BPTF: variants seen among roughly 807,000 people sequenced by gnomAD.
The protein encoded by BPTF is nucleosome-remodeling factor subunit BPTF.
A neutral mutation model predicts 292.5 loss-of-function variants in BPTF; 18 were observed. The ratio of observed to expected loss-of-function variants is 0.06; its 90% CI spans 0.04 to 0.09. BPTF has a LOEUF of 0.09. Ranked by LOEUF, BPTF falls within the 10% of genes least tolerant of loss-of-function variation. The probability of loss-of-function intolerance (pLI) is 1.00; values close to 1 mark genes in which losing one functional copy is unlikely to be tolerated. For missense variants in BPTF, 2,726 were observed against 3,498.7 expected, an observed-to-expected ratio of 0.78 and a Z score of 5.57; for synonymous variants, 1,225 against 1,251.9, an observed-to-expected ratio of 0.98 and a Z score of 0.45.
intron 18 of BPTF, among the ~76,000 whole-genome samples, chr17:67,933,029 G>A (rs973082509): frequency 6.6e-6 from 1 of 151,982 alleles, no homozygotes; most frequent in African/African-American, 2.4e-5. Flanking sequence ...AGGCAGGCCA[G>A]ATCACCTGAG....
At chr17:67,944,499 T>C in intron 20 of BPTF, 127 bp downstream of exon 20, 1 of 1,033,834 alleles carries the variant, frequency 9.7e-7, no homozygotes, top group Non-Finnish European at 1.4e-6. Context: ...CCTCAACAGT[T>C]GACATAGTCA....
chr17:67,953,984 T>C (rs1294827369), intron 23 of BPTF, among the ~76,000 whole-genome samples: 33 of 67,530 alleles, frequency 4.9e-4, no homozygotes, highest in Admixed American at 1.0e-3. Context: ...TTTTTTTTTT[T>C]TTTTTTTTTT....
chr17:67,846,490 TTAAG>T (rs1318075747), intron 1 of BPTF, among the ~76,000 whole-genome samples: 6 of 152,246 alleles, frequency 3.9e-5, no homozygotes, highest in Non-Finnish European at 7.3e-5. Flanking sequence ...CACATGGCTA[TTAAG>T]TAAGCACCTG....
intron 23 of BPTF, among the ~76,000 whole-genome samples, chr17:67,954,577 G>A (rs190773047): frequency 1.4e-4 from 21 of 152,194 alleles, no homozygotes; most frequent in African/African-American, 5.1e-4. Context: ...TCTGAATCTG[G>A]AGCCTAGCAG....
chr17:67,827,825 G>A (rs1219931927), intron 1 of BPTF, among the ~76,000 whole-genome samples: 2 of 152,078 alleles, frequency 1.3e-5, no homozygotes, highest in Non-Finnish European at 2.9e-5. Context: ...AGTCTTGTCC[G>A]GGGCAGGCTG....
At chr17:67,945,128 T>G (rs1421888450) in intron 20 of BPTF, among the ~76,000 whole-genome samples, 1 of 152,206 alleles carries the variant, frequency 6.6e-6, no homozygotes, top group East Asian at 1.9e-4. Context: ...CTTGAACTCC[T>G]GGACGCAAGC....
intron 4 of BPTF, among the ~76,000 whole-genome samples, chr17:67,881,063 TAGA>T (rs1186440460): frequency 6.6e-6 from 1 of 151,924 alleles, no homozygotes; most frequent in Non-Finnish European, 1.5e-5. Context: ...TATAATTTGG[TAGA>T]AGTTATGTGA....
In BPTF at chr17:67,879,136, C is replaced by CT. The variant is rs58205471; in HGVS notation, c.1864+4133dup. Among the ~76,000 whole-genome samples, 256 of 118,974 alleles carry CT rather than the reference C, an allele frequency of 2.2e-3. 7 individuals carry two copies. Among genetic ancestry groups the CT allele is most frequent in the Middle Eastern group, 0.013 (3 of 230 alleles). 78.1% of individuals were successfully genotyped at this position (118,974 alleles called of 152,430 possible). A position where few individuals can be genotyped will look rare whatever the true frequency, so the allele number is the denominator to read the frequency against. ...TTTGTGGGGCTGTTGTTAATTATTTCTTTTTTTTTTTTTTTTTCTTTTTGA... is the reference window on the plus strand; with the variant it reads ...TTTGTGGGGCTGTTGTTAATTATTTCTTTTTTTTTTTTTTTTTTCTTTTTGA... On this transcript the variant is annotated intron_variant, in intron 4 of 27. Coordinates refer to ENST00000306378, the MANE Select transcript of BPTF (RefSeq NM_182641.4).
intron 26 of BPTF, among the ~76,000 whole-genome samples, chr17:67,970,119 G>T (rs1335510751): frequency 6.6e-6 from 1 of 151,812 alleles, no homozygotes; most frequent in Non-Finnish European, 1.5e-5. Context: ...TGTAATCCCA[G>T]CTACTTAGGA....
chr17:67,936,828 T>C (rs1490356318), intron 18 of BPTF: 4 of 152,208 alleles, frequency 2.6e-5, no homozygotes, highest in Non-Finnish European at 5.9e-5. Flanking sequence ...ATAAAGCATA[T>C]AAAATACTAT....
intron 1 of BPTF, among the ~76,000 whole-genome samples, chr17:67,830,040 T>C (rs909449155): frequency 6.6e-6 from 1 of 152,240 alleles, no homozygotes; most frequent in East Asian, 1.9e-4. Context: ...CGCTGAATAA[T>C]GCTTTAATTC....
intron 27 of BPTF, among the ~76,000 whole-genome samples, chr17:67,981,067 G>A (rs1555696431): frequency 6.6e-6 from 1 of 152,182 alleles, no homozygotes; most frequent in Non-Finnish European, 1.5e-5. Flanking sequence ...GCTGAGGTAG[G>A]AGGATCACCT....
chr17:67,847,631 C>T lies in BPTF; in HGVS notation c.614-6309C>T, dbSNP rs1470114072. Among the ~76,000 whole-genome samples the T allele has an allele frequency of 1.2e-3, 184 of 148,892 alleles. 1 individual carries two copies. Among genetic ancestry groups the T allele is most frequent in the African/African-American group, 4.2e-3 (169 of 40,228 alleles). On this transcript the variant is annotated intron_variant, in intron 1 of 27. Transcript: ENST00000306378. The stretch of plus-strand genomic sequence containing the variant: ...CAGAGCTTGCAGTGAGCCTAGATTG[C>T]GCCACTGCACTCCAGCCTGGGCGAC...
chr17:67,847,126 G>T (rs1485314431), intron 1 of BPTF, among the ~76,000 whole-genome samples: 2 of 152,206 alleles, frequency 1.3e-5, no homozygotes, highest in Admixed American at 1.3e-4. Context: ...TTGAAAGGAA[G>T]TAATAATGGT....
chr17:67,895,998 C>T (rs1395784625), intron 7 of BPTF, among the ~76,000 whole-genome samples: 1 of 148,556 alleles, frequency 6.7e-6, no homozygotes, highest in African/African-American at 2.5e-5. Context: ...GAGTCTCGCT[C>T]TGTCACCCAG....
intron 24 of BPTF, among the ~76,000 whole-genome samples, chr17:67,962,691 G>C (rs1421211938): frequency 6.6e-6 from 1 of 152,156 alleles, no homozygotes; most frequent in Non-Finnish European, 1.5e-5. Flanking sequence ...CATTATGAGA[G>C]GTTATTTTTA....
At chr17:67,910,743 T>C (rs1473121614) in intron 10 of BPTF, 134 bp from the exon 11 acceptor site, 3 of 522,714 alleles carry the variant, frequency 5.7e-6, no homozygotes, top group Non-Finnish European at 8.5e-6. Flanking sequence ...GAGGTTGCAG[T>C]GAACTGAGAT....
In BPTF at chr17:67,894,618, G is replaced by A. The variant is rs534937456; in HGVS notation, c.2543+453G>A. Among the ~76,000 whole-genome samples, 22 of 152,206 alleles carry A rather than the reference G, an allele frequency of 1.4e-4. No individual in the cohort carries two copies. The South Asian group carries it at 3.9e-3, about 27-fold the overall frequency. Reference sequence around the variant, plus strand: ...GCCGGGATTACAGGTGTGAGCCACCGCACCCACCATGAATATTAGTTCTTA... The same window carrying A: ...GCCGGGATTACAGGTGTGAGCCACCACACCCACCATGAATATTAGTTCTTA... On this transcript the variant is annotated intron_variant, in intron 7 of 27. Transcript: ENST00000306378.
intron 2 of BPTF, among the ~76,000 whole-genome samples, chr17:67,857,327 A>AT (rs1483998127): frequency 2.7e-5 from 4 of 150,842 alleles, no homozygotes; most frequent in Non-Finnish European, 1.5e-5. Context: ...TGCCCGGTTA[A>AT]TTTTTTGTAT....
Sources: allele counts gnomAD v4.1 joint callset (sites outside exome capture counted in the v4.1 genomes callset), GRCh38; gene constraint gnomAD v4.1.1; transcripts MANE v1.5; gene names NCBI Gene and HGNC (gene_info 2026-07-23, HGNC 2026-07-21).